The following GMCL1 variants were observed in gnomAD, a reference collection of about 807,000 sequenced individuals.
The protein encoded by GMCL1 is germ cell-less protein-like 1.
GMCL1 carries 54 observed loss-of-function variants against 75.5 expected under a neutral mutation model. The observed-to-expected ratio is 0.71, with a 90% confidence interval of 0.57 to 0.90. The LOEUF is 0.90. Ranked by LOEUF, GMCL1 falls within the 40% of genes least tolerant of loss-of-function variation. The pLI is 0.00. For missense variants in GMCL1, 537 were observed against 622.7 expected (o/e 0.86, Z 1.47); for synonymous variants, 210 against 209.6 (o/e 1.00, Z -0.02).
At chr2:69,848,442 T>C (rs1212213447) in intron 7 of GMCL1, among the ~76,000 whole-genome samples, 1 of 152,230 alleles carries the variant, frequency 6.6e-6, no homozygotes, top group African/African-American at 2.4e-5. Context: ...CACAGTGGCT[T>C]ACGCCTGTAA....
chr2:69,846,392 G>T (rs1180926536), intron 6 of GMCL1, among the ~76,000 whole-genome samples: 1 of 152,152 alleles, frequency 6.6e-6, no homozygotes, highest in Non-Finnish European at 1.5e-5. Flanking sequence ...CATTTACATT[G>T]TATTAGGTAC....
At position 69,880,951 on chromosome 2, in the gene GMCL1, G is replaced by A. The variant is rs1676261688; in HGVS notation, c.*1947G>A. On this transcript the variant is annotated 3_prime_UTR_variant, in exon 14 of 14. Coordinates refer to ENST00000282570, the MANE Select transcript of GMCL1 (RefSeq NM_178439.5). ...GTTGTTTTCTTTCCGTCTCATTACTGTATAAGAGTTTCCTTACCCTTTATG... is the reference window on the plus strand; with the variant it reads ...GTTGTTTTCTTTCCGTCTCATTACTATATAAGAGTTTCCTTACCCTTTATG... The A allele has an allele frequency of 6.6e-6, 1 of 151,272 alleles. No homozygotes were observed. Among genetic ancestry groups the A allele is most frequent in the Non-Finnish European group, 1.5e-5 (1 of 67,938 alleles). The allele number at this position is 151,272 out of a possible 1,614,324, so 9.4% of individuals were successfully genotyped here.
chr2:69,874,704 A>G (rs1285693479), intron 13 of GMCL1, among the ~76,000 whole-genome samples: 1 of 147,894 alleles, frequency 6.8e-6, no homozygotes, highest in East Asian at 2.0e-4. Flanking sequence ...AACAGCTTTT[A>G]TATATTAAAA....
At chr2:69,861,388 T>G (rs1211927661) in intron 10 of GMCL1, 41 bp downstream of exon 10, 2 of 1,345,770 alleles carry the variant, frequency 1.5e-6, no homozygotes, top group Non-Finnish European at 1.0e-6. Flanking sequence ...TAAAAAAATT[T>G]GCTATGAATT....
chr2:69,857,154 T>C (rs530054354), intron 9 of GMCL1, among the ~76,000 whole-genome samples: 2 of 152,322 alleles, frequency 1.3e-5, no homozygotes, highest in Admixed American at 6.5e-5. Context: ...CAACCCATTT[T>C]AAGCCCTTCA....
intron 2 of GMCL1, 64 bp downstream of exon 2, chr2:69,837,734 C>T (rs981817380): frequency 4.0e-6 from 6 of 1,514,746 alleles, no homozygotes; most frequent in Non-Finnish European, 5.4e-6. Context: ...TGTTCTTCCT[C>T]ATTGCACTTC....
intron 12 of GMCL1, among the ~76,000 whole-genome samples, 195 bp downstream of exon 12, chr2:69,870,059 G>A (rs893063384): frequency 2.0e-5 from 3 of 147,924 alleles, no homozygotes; most frequent in Non-Finnish European, 4.5e-5. Context: ...GTATGTCAGG[G>A]AGAATGAATA....
intron 2 of GMCL1, among the ~76,000 whole-genome samples, chr2:69,838,191 A>G (rs1435458579): frequency 6.6e-6 from 1 of 151,906 alleles, no homozygotes; most frequent in East Asian, 1.9e-4. Context: ...GAACTTTCAT[A>G]GCTGACGTGG....
intron 10 of GMCL1, among the ~76,000 whole-genome samples, chr2:69,863,591 T>C (rs1429779428): frequency 6.6e-6 from 1 of 152,260 alleles, no homozygotes; most frequent in Non-Finnish European, 1.5e-5. Context: ...TCAAGATTAT[T>C]GAAGCTAGAT....
intron 8 of GMCL1, among the ~76,000 whole-genome samples, chr2:69,853,429 A>C (rs1675377191): frequency 6.6e-6 from 1 of 152,208 alleles, no homozygotes; most frequent in Non-Finnish European, 1.5e-5. Context: ...TCTTTTCATT[A>C]ACTTGGCTGT....
chr2:69,868,659 C>T (rs10178230), intron 11 of GMCL1, among the ~76,000 whole-genome samples: 10,657 of 150,696 alleles, frequency 0.071, 1,002 homozygotes, highest in Admixed American at 0.22. Context: ...GTGATCCACC[C>T]GCCTCGGCCT....
chr2:69,851,608 C>CA (rs1226089213), intron 8 of GMCL1, among the ~76,000 whole-genome samples: 81 of 149,912 alleles, frequency 5.4e-4, no homozygotes, highest in Admixed American at 1.4e-3. Context: ...AACTCTGTCT[C>CA]AAAAAAAAAG....
chr2:69,831,722 T>A (rs887781527), intron 1 of GMCL1, among the ~76,000 whole-genome samples: 1 of 152,154 alleles, frequency 6.6e-6, no homozygotes, highest in Non-Finnish European at 1.5e-5. Flanking sequence ...TTCTCCCACC[T>A]CAGCCTTCTG....
intron 4 of GMCL1, among the ~76,000 whole-genome samples, chr2:69,841,762 A>G (rs755648069): frequency 3.3e-5 from 5 of 152,208 alleles, no homozygotes; most frequent in Non-Finnish European, 5.9e-5. Context: ...CGAAAGTTAC[A>G]TTTTCACACA....
chr2:69,865,852 C>A (rs899365574), intron 11 of GMCL1, among the ~76,000 whole-genome samples: 1 of 152,162 alleles, frequency 6.6e-6, no homozygotes, highest in Non-Finnish European at 1.5e-5. Context: ...TCACTGCAGC[C>A]TTTAACTCCC....
At chr2:69,845,901 T>G (rs74862062) in intron 6 of GMCL1, among the ~76,000 whole-genome samples, 59 of 151,820 alleles carry the variant, frequency 3.9e-4, no homozygotes, top group African/African-American at 1.4e-3. Context: ...CTGATGGAAA[T>G]GTACAAAACC....
At chr2:69,839,137 A>T (rs1302407325) in intron 2 of GMCL1, among the ~76,000 whole-genome samples, 1 of 151,150 alleles carries the variant, frequency 6.6e-6, no homozygotes, top group Non-Finnish European at 1.5e-5. Context: ...TCAGGTGTAC[A>T]GTAAAGATTC....
rs1412684433 is a variant in GMCL1, at chr2:69,829,829, C to T, written c.-64C>T. On this transcript the variant is annotated 5_prime_UTR_variant, in exon 1 of 14. Coordinates refer to ENST00000282570, the MANE Select transcript of GMCL1 (RefSeq NM_178439.5). Reference sequence around the variant, plus strand: ...TGCGCTCGGGGAAGGCTGGCGGCGGCGGCCGAGCCATGGCGGGAGACCCCC... The same window carrying T: ...TGCGCTCGGGGAAGGCTGGCGGCGGTGGCCGAGCCATGGCGGGAGACCCCC... The T allele has an allele frequency of 4.1e-6, 6 of 1,463,696 alleles. No homozygotes were observed. Among genetic ancestry groups the T allele is most frequent in the Non-Finnish European group, 5.4e-6 (6 of 1,112,356 alleles). 90.7% of individuals were successfully genotyped at this position (1,463,696 alleles called of 1,614,324 possible).
At position 69,837,477 on chromosome 2, in the gene GMCL1, G is replaced by T. The variant is rs547654096; in HGVS notation, c.261-70G>T. Reference sequence around the variant, plus strand: ...AGAAATTGAATAAAAGGAGTATTTAGAAATATATGCAAAATCAGTAAAACA... The same window carrying T: ...AGAAATTGAATAAAAGGAGTATTTATAAATATATGCAAAATCAGTAAAACA... On this transcript the variant is annotated intron_variant, in intron 1 of 13. Transcript: ENST00000282570. The T allele has an allele frequency of 1.1e-4, 135 of 1,185,108 alleles. No individual in the cohort carries two copies. The East Asian group carries it at 3.6e-3, about 32-fold the overall frequency. The allele number at this position is 1,185,108 out of a possible 1,614,324, so 73.4% of individuals were successfully genotyped here.
Sources: gnomAD v4.1 joint callset for allele counts (sites outside exome capture counted in the v4.1 genomes callset) on GRCh38, gnomAD v4.1.1 for gene constraint, MANE v1.5 for transcripts, NCBI Gene and HGNC (gene_info 2026-07-23, HGNC 2026-07-21) for gene names.